The following APPL2 variants were observed in gnomAD, a reference collection of about 807,000 sequenced individuals.
APPL2 encodes DCC-interacting protein 13-beta.
APPL2 carries 84 observed loss-of-function variants against 92.7 expected under a neutral mutation model. The ratio of observed to expected loss-of-function variants is 0.91; its 90% confidence interval spans 0.76 to 1.09. The LOEUF (loss-of-function observed/expected upper bound fraction) is 1.09. Ranked by LOEUF, APPL2 falls within the 50% of genes least tolerant of loss-of-function variation. The probability of loss-of-function intolerance (pLI) is 0.00; values close to 1 mark genes in which losing one functional copy is unlikely to be tolerated. For synonymous variants in APPL2, 291 were observed against 291.0 expected (o/e 1.00, Z 0.00); for missense variants, 736 against 824.5 (o/e 0.89, Z 1.31).
intron 1 of APPL2, among the ~76,000 whole-genome samples, chr12:105,234,292 T>C (rs1891105230): frequency 6.6e-6 from 1 of 152,238 alleles, no homozygotes; most frequent in Non-Finnish European, 1.5e-5. Flanking sequence ...TCCCTCCCTG[T>C]CTCTCATTCT....
In APPL2 at chr12:105,174,089, G is replaced by GACTT. The variant is rs1431180744; in HGVS notation, c.*221_*224dup. On this transcript the variant is annotated 3_prime_UTR_variant, in exon 21 of 21. Coordinates refer to ENST00000258530, the MANE Select transcript of APPL2 (RefSeq NM_018171.5). ...AATTTTAGCGCAATCTAAGAAAAAAGACTTACCACAAAGCACCTAAAATAA... is the reference window on the plus strand; with the variant it reads ...AATTTTAGCGCAATCTAAGAAAAAAGACTTACTTACCACAAAGCACCTAAAATAA... 1.8e-5 allele frequency: 8 copies of GACTT among 448,980 alleles called. No individual in the cohort carries two copies. In the East Asian group the frequency reaches 3.0e-4, roughly 17 times the overall value. The allele number at this position is 448,980 out of a possible 1,614,324, so 27.8% of individuals were successfully genotyped here. A position where few individuals can be genotyped will look rare whatever the true frequency, so the allele number is the denominator to read the frequency against.
chr12:105,197,145 T>G (rs1299189288), intron 11 of APPL2, among the ~76,000 whole-genome samples: 1 of 152,108 alleles, frequency 6.6e-6, no homozygotes, highest in Non-Finnish European at 1.5e-5. Flanking sequence ...CATGGGACCC[T>G]GAACTCCTTG....
At chr12:105,186,685 T>TC (rs1471208540) in intron 17 of APPL2, among the ~76,000 whole-genome samples, 9 of 63,394 alleles carry the variant, frequency 1.4e-4, no homozygotes, top group South Asian at 1.4e-3. Flanking sequence ...ATATATCATA[T>TC]ATATATCATA....
intron 17 of APPL2, among the ~76,000 whole-genome samples, chr12:105,186,699 C>CATATCATATATCATATCATATAT (rs1886741116): frequency 3.0e-5 from 4 of 134,570 alleles, no homozygotes; most frequent in Non-Finnish European, 6.1e-5. Context: ...TATCATATAT[C>CATATCATATATCATATCATATAT]ATATCATATA....
chr12:105,207,958 A>G lies in APPL2; in HGVS notation c.474+13T>C, dbSNP rs1464777391. On this transcript the variant is annotated intron_variant, in intron 7 of 20. Coordinates refer to ENST00000258530, the MANE Select transcript of APPL2 (RefSeq NM_018171.5). ...GTAAATGAAGTGAAAAACAACATGT[A>G]AAGTATTCTTACCTTCTCATTCTCC... The G allele has an allele frequency of 6.8e-6, 11 of 1,607,902 alleles. No individual in the cohort carries two copies. The highest frequency in any genetic ancestry group is 1.7e-4 in the Middle Eastern group (1 of 6,054).
At chr12:105,208,864 T>TAC (rs1488153178) in intron 5 of APPL2, among the ~76,000 whole-genome samples, 1 of 152,170 alleles carries the variant, frequency 6.6e-6, no homozygotes, top group African/African-American at 2.4e-5. Context: ...CAACGATTGA[T>TAC]ACCTAAAAGA....
chr12:105,185,729 C>T (rs923999558), intron 17 of APPL2, among the ~76,000 whole-genome samples: 24 of 152,040 alleles, frequency 1.6e-4, no homozygotes, highest in African/African-American at 5.6e-4. Flanking sequence ...CTTTTTAAAT[C>T]TTCTAATTTT....
intron 14 of APPL2, among the ~76,000 whole-genome samples, 167 bp downstream of exon 14, chr12:105,195,094 G>T (rs1592779420): frequency 6.6e-6 from 1 of 152,176 alleles, no homozygotes; most frequent in African/African-American, 2.4e-5. Flanking sequence ...TCACAATGTG[G>T]TGTGAACACA....
At chr12:105,183,443 G>A (rs1886312435) in intron 17 of APPL2, among the ~76,000 whole-genome samples, 1 of 152,182 alleles carries the variant, frequency 6.6e-6, no homozygotes, top group Admixed American at 6.5e-5. Flanking sequence ...CTCTTGTAAA[G>A]CAGGTGTGGT....
At chr12:105,200,852 G>GTATCTATCTATC (rs1555252283) in intron 9 of APPL2, among the ~76,000 whole-genome samples, 2 of 137,018 alleles carry the variant, frequency 1.5e-5, no homozygotes, top group Non-Finnish European at 3.2e-5. Flanking sequence ...ATGTATGTAT[G>GTATCTATCTATC]TATGTATGTA....
At chr12:105,220,576 C>T (rs1477983338) in intron 2 of APPL2, among the ~76,000 whole-genome samples, 1 of 152,142 alleles carries the variant, frequency 6.6e-6, no homozygotes, top group African/African-American at 2.4e-5. Context: ...TTAGTCAACT[C>T]TAATATGTTA....
chr12:105,180,302 T>C (rs889684512), intron 17 of APPL2, among the ~76,000 whole-genome samples: 25 of 152,200 alleles, frequency 1.6e-4, no homozygotes, highest in Non-Finnish European at 3.1e-4. Context: ...TTGGTGTTAT[T>C]TCTGAGGCCT....
Position 105,176,979 on chromosome 12 carries a change from T to C in APPL2, c.1709A>G (p.Gln570Arg). 1 of 1,614,040 alleles carries C rather than the reference T, an allele frequency of 6.2e-7. No homozygotes were observed. The highest frequency in any genetic ancestry group is 8.5e-7 in the Non-Finnish European group (1 of 1,180,008). Residue 570 changes from glutamine to arginine, a missense_variant, in exon 19 of 21, where the codon CAA (glutamine) becomes CGA (arginine). Gln to Arg is a conservative substitution (Grantham distance 43). Transcript: ENST00000258530. ...AAAACCAACCAGTCTCTTGTTTTCT[T>C]GATGAGCAGCAAATTGTGTGACACT... is the stretch of plus-strand genomic sequence containing the variant. Reference protein sequence around the residue: ...LTSVTQFAAHQENKRLVGFVI... With the variant: ...LTSVTQFAAHRENKRLVGFVI...
At chr12:105,195,179 T>A (rs1887530839) in intron 14 of APPL2, 82 bp downstream of exon 14, 1 of 1,385,238 alleles carries the variant, frequency 7.2e-7, no homozygotes, top group Non-Finnish European at 1.0e-6. Flanking sequence ...TTGGTTTGTG[T>A]GGATTAAGCA....
intron 17 of APPL2, among the ~76,000 whole-genome samples, chr12:105,187,477 G>A (rs2264066): frequency 6.6e-6 from 1 of 151,882 alleles, no homozygotes; most frequent in African/African-American, 2.4e-5. Context: ...TTTGCTTAAG[G>A]TCACATAACT....
intron 20 of APPL2, 52 bp downstream of exon 20, chr12:105,175,983 T>A: frequency 6.8e-7 from 1 of 1,475,122 alleles, no homozygotes; most frequent in Non-Finnish European, 9.1e-7. Flanking sequence ...TTGGTATGTG[T>A]ACACAGATGT....
chr12:105,176,198 A>AGT, intron 19 of APPL2, 116 bp from the exon 20 acceptor site: 1 of 902,460 alleles, frequency 1.1e-6, no homozygotes, highest in Non-Finnish European at 1.7e-6. Context: ...ACTTGGGAAC[A>AGT]CAGGACCTGG....
At position 105,199,359 on chromosome 12, in the gene APPL2, G is replaced by C. The variant is rs746324297; in HGVS notation, c.863+14C>G. 6.2e-7 allele frequency: 1 copy of C among 1,603,266 alleles called. No homozygotes were observed. Among genetic ancestry groups the C allele is most frequent in the East Asian group, 2.3e-5 (1 of 44,388 alleles). On this transcript the variant is annotated intron_variant, in intron 10 of 20. Transcript: ENST00000258530. ...ACGGATTTCAGAAAAAGAGGCAGAC[G>C]GTGGCGTTCTCACTTTCTAAGATTA... is the stretch of plus-strand genomic sequence containing the variant.
Position 105,190,120 on chromosome 12 carries a change from T to C in APPL2, c.1277A>G (p.Asn426Ser). ...TGTTGCTTTGGGAACAATCTTGTCA[T>C]TTTCATTTTCCATCTCTGAATTTTT... is the stretch of plus-strand genomic sequence containing the variant. ...NLKNSEMENE[N>S]DKIVPKATAS... Residue 426 changes from asparagine (N) to serine (S), a missense_variant, in exon 15 of 21, where the codon AAT becomes AGT. Asn to Ser is a conservative substitution (Grantham distance 46). Coordinates refer to ENST00000258530, the MANE Select transcript of APPL2 (RefSeq NM_018171.5). 1.9e-6 allele frequency: 3 copies of C among 1,614,020 alleles called. No homozygotes were observed. Among genetic ancestry groups the C allele is most frequent in the Non-Finnish European group, 2.5e-6 (3 of 1,179,980 alleles).
Sources: allele counts gnomAD v4.1 joint callset (sites outside exome capture counted in the v4.1 genomes callset), GRCh38; gene constraint gnomAD v4.1.1; transcripts MANE v1.5; gene names NCBI Gene and HGNC (gene_info 2026-07-23, HGNC 2026-07-21).